Variants in ST6GALNAC3 observed in about 807,000 individuals in gnomAD.
The protein encoded by ST6GALNAC3 is ST6 N-acetylgalactosaminide alpha-2,6-sialyltransferase 3.
In ST6GALNAC3, 25 loss-of-function variants were observed where a neutral mutation model predicts 32.7. The ratio of observed to expected loss-of-function variants is 0.76; its 90% CI spans 0.56 to 1.07. ST6GALNAC3 has a LOEUF of 1.07. ST6GALNAC3 is among the 50% of genes least tolerant of loss of function. ST6GALNAC3 has a pLI of 0.00. For missense variants in ST6GALNAC3, 355 were observed against 382.4 expected, an observed-to-expected ratio of 0.93 and a Z score of 0.60; for synonymous variants, 129 against 133.1, an observed-to-expected ratio of 0.97 and a Z score of 0.21.
At chr1:76,336,983 C>T (rs554669012) in intron 2 of ST6GALNAC3, among the ~76,000 whole-genome samples, 2 of 152,208 alleles carry the variant, frequency 1.3e-5, no homozygotes, top group Non-Finnish European at 2.9e-5. Context: ...TGACATATTG[C>T]GCTGCCAGAG....
In ST6GALNAC3 at chr1:76,081,285, TAAAAAAAAAA is replaced by T. The variant is rs10526487; in HGVS notation, c.18+6412_18+6421del. On this transcript the variant is annotated intron_variant, in intron 1 of 4. Coordinates refer to ENST00000328299, the MANE Select transcript of ST6GALNAC3 (RefSeq NM_152996.4). The stretch of plus-strand genomic sequence containing the variant: ...CTAACACGAATGACAGCTGGTGAGC[TAAAAAAAAAA>T]AAAAAAAAAAGCAAATCGCAAAAGA... Among the ~76,000 whole-genome samples, 177 of 120,572 alleles carry T rather than the reference TAAAAAAAAAA, an allele frequency of 1.5e-3. 1 individual carries two copies. The highest frequency in any genetic ancestry group is 2.2e-3 in the Non-Finnish European group (128 of 57,384). The allele number at this position is 120,572 out of a possible 152,430, so 79.1% of individuals were successfully genotyped here.
At chr1:76,130,512 A>G (rs2100863750) in intron 1 of ST6GALNAC3, among the ~76,000 whole-genome samples, 1 of 152,294 alleles carries the variant, frequency 6.6e-6, no homozygotes, top group Admixed American at 6.5e-5. Context: ...TAGGGAAGGG[A>G]CCAGCACTGT....
intron 2 of ST6GALNAC3, among the ~76,000 whole-genome samples, chr1:76,401,321 T>C (rs908409516): frequency 6.6e-6 from 1 of 152,292 alleles, no homozygotes; most frequent in Non-Finnish European, 1.5e-5. Flanking sequence ...GAGTTCTTTA[T>C]TTCATGTATT....
chr1:76,435,361 G>A (rs530043028), intron 3 of ST6GALNAC3, among the ~76,000 whole-genome samples: 1 of 152,124 alleles, frequency 6.6e-6, no homozygotes, highest in African/African-American at 2.4e-5. Flanking sequence ...TGTTATGAAA[G>A]AAAAATTTAT....
At chr1:76,277,590 G>GTGTA (rs1167565250) in intron 1 of ST6GALNAC3, among the ~76,000 whole-genome samples, 1 of 46,290 alleles carries the variant, frequency 2.2e-5, no homozygotes, top group Non-Finnish European at 3.7e-5. Context: ...ATGTTTATGT[G>GTGTA]TATATATATA....
chr1:76,179,392 A>T (rs776871393), intron 1 of ST6GALNAC3, among the ~76,000 whole-genome samples: 3 of 152,076 alleles, frequency 2.0e-5, no homozygotes, highest in Non-Finnish European at 4.4e-5. Flanking sequence ...TGAATCCCTT[A>T]ACATATGTAA....
chr1:76,622,035 G>C (rs1648680106), intron 3 of ST6GALNAC3, among the ~76,000 whole-genome samples: 1 of 152,096 alleles, frequency 6.6e-6, no homozygotes, highest in East Asian at 1.9e-4. Flanking sequence ...TATTGGAAGG[G>C]GGGTCTTGAT....
intron 1 of ST6GALNAC3, among the ~76,000 whole-genome samples, chr1:76,283,158 G>A (rs1288166008): frequency 6.6e-6 from 1 of 152,124 alleles, no homozygotes; most frequent in African/African-American, 2.4e-5. Flanking sequence ...CGGAACAATG[G>A]TAAGACCACT....
chr1:76,100,003 G>T (rs915188184), intron 1 of ST6GALNAC3, among the ~76,000 whole-genome samples: 79 of 151,984 alleles, frequency 5.2e-4, no homozygotes, highest in African/African-American at 1.8e-3. Flanking sequence ...TTGAGGTATT[G>T]TTAAGTATTT....
chr1:76,286,940 C>T (rs1371550253), intron 1 of ST6GALNAC3, among the ~76,000 whole-genome samples: 2 of 152,178 alleles, frequency 1.3e-5, no homozygotes, highest in Non-Finnish European at 2.9e-5. Flanking sequence ...ATTTAAAATG[C>T]CCTACAAGAA....
rs1466322146 is a variant in ST6GALNAC3, at chr1:76,393,394, A to G, written c.214-18614A>G. The stretch of plus-strand genomic sequence containing the variant: ...AACTTAGATCTGAGAAATCATTCTC[A>G]TCATGAGTTAGAGGAATGATTTTAT... On this transcript the variant is annotated intron_variant, in intron 2 of 4. Coordinates refer to ENST00000328299, the MANE Select transcript of ST6GALNAC3 (RefSeq NM_152996.4). Among the ~76,000 whole-genome samples the G allele has an allele frequency of 4.6e-5, 7 of 152,290 alleles. No individual in the cohort carries two copies. In the East Asian group the frequency reaches 1.2e-3, roughly 25 times the overall value.
intron 2 of ST6GALNAC3, among the ~76,000 whole-genome samples, chr1:76,366,692 T>C (rs781355011): frequency 1.6e-5 from 2 of 121,672 alleles, no homozygotes; most frequent in Non-Finnish European, 3.5e-5. Context: ...TTGTAAAAAC[T>C]GCCTCACATG....
At chr1:76,193,495 A>T (rs61066589) in intron 1 of ST6GALNAC3, among the ~76,000 whole-genome samples, 12,768 of 152,102 alleles carry the variant, frequency 0.084, 591 homozygotes, top group African/African-American at 0.12. Context: ...ATTTGAATAA[A>T]TATTGGTTTA....
chr1:76,628,544 A>G (rs1649118692), intron 4 of ST6GALNAC3, 76 bp from the exon 5 acceptor site: 2 of 1,340,198 alleles, frequency 1.5e-6, no homozygotes, highest in Non-Finnish European at 1.0e-6. Context: ...TACTGGGCAC[A>G]TAATGGATTC....
chr1:76,125,352 T>C lies in ST6GALNAC3; in HGVS notation c.18+50468T>C, dbSNP rs373740120. On this transcript the variant is annotated intron_variant, in intron 1 of 4. Transcript: ENST00000328299. ...CTGCACCTATTGATTGATCCCTCAG[T>C]GGCTGCTGGTTGGCTCTTTGTCCCA... 2.0e-4 allele frequency among the ~76,000 whole-genome samples: 30 copies of C among 152,314 alleles called. 1 individual carries two copies. The highest frequency in any genetic ancestry group is 7.0e-4 in the African/African-American group (29 of 41,574).
At chr1:76,582,396 A>G (rs1356189403) in intron 3 of ST6GALNAC3, among the ~76,000 whole-genome samples, 1 of 152,174 alleles carries the variant, frequency 6.6e-6, no homozygotes, top group Non-Finnish European at 1.5e-5. Flanking sequence ...TCAGGTGGAC[A>G]TCGGATAGAC....
chr1:76,536,575 C>A (rs532313310), intron 3 of ST6GALNAC3, among the ~76,000 whole-genome samples: 11 of 148,260 alleles, frequency 7.4e-5, no homozygotes, highest in Admixed American at 3.5e-4. Context: ...CATGTGGTGA[C>A]CACAGTTCGT....
chr1:76,554,436 C>T (rs1040810985), intron 3 of ST6GALNAC3, among the ~76,000 whole-genome samples: 1 of 152,110 alleles, frequency 6.6e-6, no homozygotes, highest in African/African-American at 2.4e-5. Context: ...AACCTGAAAA[C>T]TGATGAAATA....
rs1305172777 is a variant in ST6GALNAC3 at position 76,422,071 on chromosome 1, G to A, written c.623+9654G>A. ...ATATACTTATTTATTTTAATTTTTAGTGTTTTCTATGTATTTCTCCTACTG... is the reference window on the plus strand; with the variant it reads ...ATATACTTATTTATTTTAATTTTTAATGTTTTCTATGTATTTCTCCTACTG... On this transcript the variant is annotated intron_variant, in intron 3 of 4. Coordinates refer to ENST00000328299, the MANE Select transcript of ST6GALNAC3 (RefSeq NM_152996.4). Among the ~76,000 whole-genome samples, 3 of 150,952 alleles carry A rather than the reference G, an allele frequency of 2.0e-5. No individual in the cohort carries two copies. The East Asian group carries it at 5.8e-4, about 29-fold the overall frequency.
Sources: gnomAD v4.1 joint callset for allele counts (sites outside exome capture counted in the v4.1 genomes callset) on GRCh38, gnomAD v4.1.1 for gene constraint, MANE v1.5 for transcripts, NCBI Gene and HGNC (gene_info 2026-07-23, HGNC 2026-07-21) for gene names.